Variants in CLIC2 observed in about 807,000 individuals in gnomAD.
The protein encoded by CLIC2 is CLIC family member 2, also known as chloride intracellular channel protein 2.
A neutral mutation model predicts 14.8 loss-of-function variants in CLIC2; 9 were observed. That is an observed-to-expected ratio of 0.61 (90% CI 0.37 to 1.06). The LOEUF is 1.06. Ranked by LOEUF, CLIC2 falls within the 50% of genes least tolerant of loss-of-function variation. CLIC2 has a pLI of 0.01. For missense variants in CLIC2, 148 were observed against 181.4 expected (o/e 0.82, Z 1.06); for synonymous variants, 61 against 66.3 (o/e 0.92, Z 0.39).
At chrX:155,286,843 G>A (rs1404488240) in intron 3 of CLIC2, among the ~76,000 whole-genome samples, 1 of 111,755 alleles carries the variant, frequency 8.9e-6, no homozygotes, top group Non-Finnish European at 1.9e-5. Context: ...ATTTATTTAA[G>A]CTCCTTATAG....
At chrX:155,305,330 C>G (rs986453452) in intron 1 of CLIC2, among the ~76,000 whole-genome samples, 1 of 112,107 alleles carries the variant, frequency 8.9e-6, no homozygotes, top group South Asian at 3.7e-4. Context: ...GGGAGTGATC[C>G]GATTTTCCAG....
At chrX:155,288,727 C>A (rs1373045987) in intron 3 of CLIC2, among the ~76,000 whole-genome samples, 2 of 111,813 alleles carry the variant, frequency 1.8e-5, no homozygotes, top group Non-Finnish European at 3.8e-5. Flanking sequence ...AAACAAAACC[C>A]CACACAAATA....
chrX:155,313,445 C>A (rs1238869372), intron 1 of CLIC2, among the ~76,000 whole-genome samples: 4 of 111,968 alleles, frequency 3.6e-5, no homozygotes, highest in African/African-American at 9.7e-5. Flanking sequence ...TTCACAATAG[C>A]AAAAACATGG....
chrX:155,280,082 A>G lies in CLIC2; in HGVS notation c.294-14T>C. The G allele has an allele frequency of 9.3e-7, 1 of 1,071,622 alleles. No homozygotes were observed. The highest frequency in any genetic ancestry group is 1.9e-5 in the South Asian group (1 of 53,916). 88.3% of individuals were successfully genotyped at this position (1,071,622 alleles called of 1,213,427 possible). ...AGGTGAGGGTACCTTAAAAAGAAAC[A>G]TGCGTCAACTATCATTTGCACATAA... On this transcript the variant is annotated splice_polypyrimidine_tract_variant and intron_variant, in intron 3 of 5. Coordinates refer to ENST00000369449, the MANE Select transcript of CLIC2 (RefSeq NM_001289.6).
At position 155,299,139 on chromosome X, in the gene CLIC2, T is replaced by C. The variant is rs1557318714; in HGVS notation, c.64A>G (p.Ser22Gly). 8.4e-7 allele frequency: 1 copy of C among 1,187,511 alleles called. No homozygotes were observed. The highest frequency in any genetic ancestry group is 2.2e-5 in the Admixed American group (1 of 45,927). Residue 22 changes from serine to glycine, a missense_variant, in exon 2 of 6, where the codon AGT (serine) becomes GGT (glycine). Transcript: ENST00000369449. ...CAGTTTCCAATACTCTCTCCATCACTTCCAGCCTATTAAGATAAAGAGAGA... is the reference window on the plus strand; with the variant it reads ...CAGTTTCCAATACTCTCTCCATCACCTCCAGCCTATTAAGATAAAGAGAGA... ...PEIELFVKAG[S>G]DGESIGNCPF...
At position 155,277,707 on chromosome X, in the gene CLIC2, T is replaced by C. The variant is rs1206535709; in HGVS notation, c.*196A>G. 3 of 403,691 alleles carry C rather than the reference T, an allele frequency of 7.4e-6. No homozygotes were observed. The highest frequency in any genetic ancestry group is 1.3e-5 in the Non-Finnish European group (3 of 234,497). 33.3% of individuals were successfully genotyped at this position (403,691 alleles called of 1,213,427 possible). A position where few individuals can be genotyped will look rare whatever the true frequency, so the allele number is the denominator to read the frequency against. On this transcript the variant is annotated 3_prime_UTR_variant, in exon 6 of 6. Transcript: ENST00000369449. ...GGTTTGCCATACAGATAAAGAAAAT[T>C]AAGTAAAAGTATGAAGACCTGTAAA... is the stretch of plus-strand genomic sequence containing the variant.
At chrX:155,288,750 T>C (rs1557317317) in intron 3 of CLIC2, among the ~76,000 whole-genome samples, 1 of 112,237 alleles carries the variant, frequency 8.9e-6, no homozygotes, top group East Asian at 2.8e-4. Flanking sequence ...CTAAATTCTA[T>C]ATAAAAAATC....
intron 1 of CLIC2, among the ~76,000 whole-genome samples, chrX:155,317,573 C>T (rs1455843959): frequency 9.0e-6 from 1 of 111,118 alleles, no homozygotes; most frequent in Admixed American, 9.6e-5. Context: ...TTAAAAATTG[C>T]CAACAACAAC....
intron 1 of CLIC2, among the ~76,000 whole-genome samples, chrX:155,326,929 A>T (rs1416968452): frequency 2.7e-5 from 3 of 111,826 alleles, no homozygotes; most frequent in African/African-American, 9.7e-5. Flanking sequence ...GAGGGACTGG[A>T]TGAGACACAA....
At chrX:155,304,410 G>A (rs1209351332) in intron 1 of CLIC2, among the ~76,000 whole-genome samples, 2 of 92,181 alleles carry the variant, frequency 2.2e-5, no homozygotes, top group Admixed American at 1.2e-4. Flanking sequence ...CGTAGTTCTC[G>A]AGCCTTGGTT....
chrX:155,298,454 C>T (rs1039414321), intron 3 of CLIC2, among the ~76,000 whole-genome samples: 6 of 111,432 alleles, frequency 5.4e-5, no homozygotes, highest in Non-Finnish European at 9.4e-5. Flanking sequence ...GTGTTAAGGA[C>T]CAGTCATGAC....
At chrX:155,309,914 C>T (rs1156479683) in intron 1 of CLIC2, among the ~76,000 whole-genome samples, 2 of 111,808 alleles carry the variant, frequency 1.8e-5, no homozygotes, top group African/African-American at 6.5e-5. Context: ...CCCAACAGTC[C>T]CTCAAAGTCT....
At chrX:155,318,747 A>G (rs187122652) in intron 1 of CLIC2, among the ~76,000 whole-genome samples, 322 of 112,182 alleles carry the variant, frequency 2.9e-3, no homozygotes, top group African/African-American at 0.01. Flanking sequence ...AAGCCCACAT[A>G]GCAAAAGAAA....
intron 1 of CLIC2, among the ~76,000 whole-genome samples, chrX:155,304,934 C>G (rs1488535766): frequency 0.022 from 2,320 of 104,860 alleles, 38 homozygotes; most frequent in South Asian, 0.041. Context: ...GCAGTCTGCC[C>G]GTTCTCAGAT....
At position 155,298,880 on chromosome X, in the gene CLIC2, T is replaced by G. The variant is rs1557318658; in HGVS notation, c.198A>C (p.Pro66=). Residue 66 remains proline, a synonymous_variant, in exon 3 of 6, where the codon CCA becomes CCC. Coordinates refer to ENST00000369449, the MANE Select transcript of CLIC2 (RefSeq NM_001289.6). The stretch of plus-strand genomic sequence containing the variant: ...ACACCAGGAACGGAGGATTGGTACC[T>G]GGGGCTAAGTCCTTTAGTTCTTCAG... ...RKPEELKDLA[P]GTNPPFLVYN... 11 of 1,209,500 alleles carry G rather than the reference T, an allele frequency of 9.1e-6. No homozygotes were observed. Among genetic ancestry groups the G allele is most frequent in the Non-Finnish European group, 1.2e-5 (11 of 893,338 alleles).
chrX:155,296,377 C>G (rs1403116090), intron 3 of CLIC2, among the ~76,000 whole-genome samples: 1 of 111,609 alleles, frequency 9.0e-6, no homozygotes, highest in Non-Finnish European at 1.9e-5. Flanking sequence ...GGACTGAAGA[C>G]TTAAACATAA....
intron 3 of CLIC2, among the ~76,000 whole-genome samples, chrX:155,281,288 A>T (rs1557316451): frequency 9.1e-6 from 1 of 109,463 alleles, no homozygotes; most frequent in Non-Finnish European, 1.9e-5. Context: ...CTAGAGATAT[A>T]ATGTATAATA....
intron 3 of CLIC2, among the ~76,000 whole-genome samples, chrX:155,281,504 C>T (rs1435161647): frequency 9.0e-6 from 1 of 110,654 alleles, no homozygotes; most frequent in Non-Finnish European, 1.9e-5. Context: ...ACACTCAATT[C>T]CTTTTCATAA....
chrX:155,290,335 CTA>C (rs1255253100), intron 3 of CLIC2: 3 of 356,427 alleles, frequency 8.4e-6, no homozygotes, highest in African/African-American at 7.6e-5. Context: ...ACTAGTATTG[CTA>C]TGTTTAATGT....
Sources: gnomAD v4.1 joint callset for allele counts (sites outside exome capture counted in the v4.1 genomes callset) on GRCh38, gnomAD v4.1.1 for gene constraint, MANE v1.5 for transcripts, NCBI Gene and HGNC (gene_info 2026-07-23, HGNC 2026-07-21) for gene names.